Variants in AGAP1 observed in about 807,000 individuals in gnomAD.
The protein encoded by AGAP1 is arf-GAP with GTPase, ANK repeat and PH domain-containing protein 1.
In AGAP1, 29 loss-of-function variants were observed where a neutral mutation model predicts 105.3. That is an observed-to-expected ratio of 0.28 (90% CI 0.21 to 0.38). The LOEUF (loss-of-function observed/expected upper bound fraction) is 0.38, where lower values mean the gene tolerates loss of function less well. AGAP1 is among the 10% of genes least tolerant of loss of function. The pLI, the probability that AGAP1 is intolerant of heterozygous loss-of-function variation, is 1.00. For synonymous variants in AGAP1, 509 were observed against 485.9 expected (o/e 1.05, Z -0.63); for missense variants, 998 against 1,165.1 (o/e 0.86, Z 2.09).
At chr2:235,899,038 A>C (rs1235265428) in intron 10 of AGAP1, among the ~76,000 whole-genome samples, 2 of 152,232 alleles carry the variant, frequency 1.3e-5, no homozygotes, top group Non-Finnish European at 2.9e-5. Flanking sequence ...AAAAATACGT[A>C]TAGAAGACTT....
chr2:236,067,722 C>A (rs1434003488), intron 16 of AGAP1, among the ~76,000 whole-genome samples: 2 of 152,214 alleles, frequency 1.3e-5, no homozygotes, highest in African/African-American at 4.8e-5. Context: ...GGGAAGAAAC[C>A]TCATCTCTTA....
intron 1 of AGAP1, among the ~76,000 whole-genome samples, chr2:235,658,040 T>TG (rs1213654191): frequency 2.6e-5 from 4 of 152,190 alleles, no homozygotes; most frequent in Non-Finnish European, 5.9e-5. Context: ...ACTAGGTGTC[T>TG]GTTGTTTAAA....
intron 1 of AGAP1, among the ~76,000 whole-genome samples, chr2:235,563,336 C>T (rs1944229175): frequency 6.6e-6 from 1 of 152,172 alleles, no homozygotes; most frequent in Non-Finnish European, 1.5e-5. Flanking sequence ...CCTCTGTGCC[C>T]TCCTGTCCTG....
rs1428271666 is a variant in AGAP1, at chr2:235,741,247, C to T, written c.396+199C>T. Among the ~76,000 whole-genome samples, 2 of 152,108 alleles carry T rather than the reference C, an allele frequency of 1.3e-5. No homozygotes were observed. The highest frequency in any genetic ancestry group is 2.9e-5 in the Non-Finnish European group (2 of 68,026). On this transcript the variant is annotated intron_variant, in intron 4 of 17. Transcript: ENST00000304032. This position sits in a 1 kb window ranked among gnomAD's most constrained non-coding sequence, Gnocchi z 4.9. ...TATTTTTTTCCCAGACTAAATCCTG[C>T]AGGGAAGTTGGGTTTATGTGATGGC...
Position 235,721,467 on chromosome 2 carries a change from C to T in AGAP1, c.310+3823C>T, listed in dbSNP as rs1191591127. On this transcript the variant is annotated intron_variant, in intron 3 of 17. Transcript: ENST00000304032. The surrounding 1 kb of genome is among the most constrained non-coding windows in gnomAD (Gnocchi z 4.5). ...AGTAAACCTCTTGGATTGACAGATT[C>T]CTTAATATTATGTGTGTGTGTGTGT... is the stretch of plus-strand genomic sequence containing the variant. Among the ~76,000 whole-genome samples, 4 of 142,170 alleles carry T rather than the reference C, an allele frequency of 2.8e-5. No homozygotes were observed. The highest frequency in any genetic ancestry group is 1.5e-5 in the Non-Finnish European group (1 of 65,574). 93.3% of individuals were successfully genotyped at this position (142,170 alleles called of 152,430 possible). A position where few individuals can be genotyped will look rare whatever the true frequency, so the allele number is the denominator to read the frequency against.
chr2:235,955,083 G>A (rs947916368), intron 12 of AGAP1, among the ~76,000 whole-genome samples: 1 of 152,190 alleles, frequency 6.6e-6, no homozygotes, highest in African/African-American at 2.4e-5. Context: ...TAGAGGTTCA[G>A]GGGTGCTATT....
chr2:235,888,204 C>T lies in AGAP1; in HGVS notation c.1155+4755C>T, dbSNP rs965989974. On this transcript the variant is annotated intron_variant, in intron 10 of 17. Transcript: ENST00000304032. The surrounding 1 kb of genome is among the most constrained non-coding windows in gnomAD (Gnocchi z 4.8). ...GGCCAATGTGGTTATGGGCAGGGGGCGGGGGAGCGGGTAGTTCAGGAGGAT... is the reference window on the plus strand; with the variant it reads ...GGCCAATGTGGTTATGGGCAGGGGGTGGGGGAGCGGGTAGTTCAGGAGGAT... Among the ~76,000 whole-genome samples the T allele has an allele frequency of 1.1e-4, 16 of 151,938 alleles. No individual in the cohort carries two copies. The highest frequency in any genetic ancestry group is 7.8e-4 in the East Asian group (4 of 5,154).
rs758153567 is a variant in AGAP1, at chr2:235,612,204, G to A, written c.164-96975G>A. On this transcript the variant is annotated intron_variant, in intron 1 of 17. Coordinates refer to ENST00000304032, the MANE Select transcript of AGAP1 (RefSeq NM_001037131.3). The surrounding 1 kb of genome is among the most constrained non-coding windows in gnomAD (Gnocchi z 4.3). ...CAGGTAACCTGCTGCTTGGGTGTACGCTGGGCGGGTTCGCAGTGCTGGAAG... is the reference window on the plus strand; with the variant it reads ...CAGGTAACCTGCTGCTTGGGTGTACACTGGGCGGGTTCGCAGTGCTGGAAG... Among the ~76,000 whole-genome samples, 8 of 152,130 alleles carry A rather than the reference G, an allele frequency of 5.3e-5. No individual in the cohort carries two copies. Among genetic ancestry groups the A allele is most frequent in the Admixed American group, 2.6e-4 (4 of 15,286 alleles).
intron 11 of AGAP1, among the ~76,000 whole-genome samples, chr2:235,918,470 A>T (rs1446078876): frequency 6.6e-6 from 1 of 152,226 alleles, no homozygotes; most frequent in Non-Finnish European, 1.5e-5. Flanking sequence ...AGTTCATCTT[A>T]GTTCTTTTTA....
intron 15 of AGAP1, among the ~76,000 whole-genome samples, chr2:236,048,708 C>T (rs1008354460): frequency 3.9e-5 from 6 of 152,174 alleles, no homozygotes; most frequent in African/African-American, 9.7e-5. Flanking sequence ...CAGTGGATGC[C>T]GAGTCACACG....
Position 236,114,285 on chromosome 2 carries a change from G to A in AGAP1, c.2115-5907G>A, listed in dbSNP as rs143252297. 7.0e-4 allele frequency among the ~76,000 whole-genome samples: 106 copies of A among 152,266 alleles called. 1 individual carries two copies. In the East Asian group the frequency reaches 7.7e-3, roughly 11 times the overall value. ...TCCCAGAAGTAGAATTGCGGCCTCC[G>A]AGTGACCATTTGAGTCTGTGTGCTT... On this transcript the variant is annotated intron_variant, in intron 16 of 17. Coordinates refer to ENST00000304032, the MANE Select transcript of AGAP1 (RefSeq NM_001037131.3). This position sits in a 1 kb window ranked among gnomAD's most constrained non-coding sequence, Gnocchi z 5.0.
At chr2:235,791,702 A>G (rs1343432634) in intron 6 of AGAP1, among the ~76,000 whole-genome samples, 3 of 151,936 alleles carry the variant, frequency 2.0e-5, no homozygotes, top group East Asian at 1.9e-4. Context: ...CACACGCCAC[A>G]ATGCCTGGCT....
At chr2:235,630,829 GT>G in intron 1 of AGAP1, among the ~76,000 whole-genome samples, 1 of 152,256 alleles carries the variant, frequency 6.6e-6, no homozygotes, top group Admixed American at 6.5e-5. Flanking sequence ...CGCTGCCTCC[GT>G]TTGTCATTTC....
At chr2:235,706,202 ATTTTG>A (rs971158672) in intron 1 of AGAP1, among the ~76,000 whole-genome samples, 1 of 151,938 alleles carries the variant, frequency 6.6e-6, no homozygotes, top group Non-Finnish European at 1.5e-5. Flanking sequence ...ATGCATATTT[ATTTTG>A]TTTTGTTTTG....
chr2:235,656,670 G>A (rs567143540), intron 1 of AGAP1, among the ~76,000 whole-genome samples: 5 of 152,298 alleles, frequency 3.3e-5, no homozygotes, highest in African/African-American at 7.2e-5. Context: ...CAGGGGCCAC[G>A]TGAGTCAGGG....
In AGAP1 at chr2:235,799,086, T is replaced by A. The variant is rs1239910359; in HGVS notation, c.802-281T>A. Among the ~76,000 whole-genome samples, 4 of 152,138 alleles carry A rather than the reference T, an allele frequency of 2.6e-5. No individual in the cohort carries two copies. Among genetic ancestry groups the A allele is most frequent in the Admixed American group, 2.0e-4 (3 of 15,270 alleles). ...CAGAGGAAAGAGAAAATAATCAAAT[T>A]TGAACTCTCAGAAATCTTTTAAGTT... On this transcript the variant is annotated intron_variant, in intron 7 of 17. Transcript: ENST00000304032. The surrounding 1 kb of genome is among the most constrained non-coding windows in gnomAD (Gnocchi z 5.0).
rs1164161522 is a variant in AGAP1, at chr2:236,101,255, T to G, written c.2115-18937T>G. Among the ~76,000 whole-genome samples, 2 of 152,148 alleles carry G rather than the reference T, an allele frequency of 1.3e-5. No individual in the cohort carries two copies. Among genetic ancestry groups the G allele is most frequent in the African/African-American group, 4.8e-5 (2 of 41,450 alleles). The stretch of plus-strand genomic sequence containing the variant: ...CCCACCACAAGCAGATTAAAAGGTA[T>G]ACCACATTAAGAAGACTCCTTATTG... On this transcript the variant is annotated intron_variant, in intron 16 of 17. Transcript: ENST00000304032. The surrounding 1 kb of genome is among the most constrained non-coding windows in gnomAD (Gnocchi z 4.9).
rs2057531679 is a variant in AGAP1 at position 236,040,928 on chromosome 2, A to T, written c.1891+87A>T. The T allele has an allele frequency of 7.5e-7, 1 of 1,341,056 alleles. No homozygotes were observed. Among genetic ancestry groups the T allele is most frequent in the Non-Finnish European group, 1.1e-6 (1 of 943,294 alleles). The allele number at this position is 1,341,056 out of a possible 1,614,324, so 83.1% of individuals were successfully genotyped here. On this transcript the variant is annotated intron_variant, in intron 15 of 17. Transcript: ENST00000304032. This position sits in a 1 kb window ranked among gnomAD's most constrained non-coding sequence, Gnocchi z 5.6. ...TAGGCCCGGGTTGCAGGGGACTCAC[A>T]TCTGTCCTGTTTGGCAGATAAGAGT...
In AGAP1 at chr2:236,038,943, G is replaced by A. The variant is rs867190466; in HGVS notation, c.1801-1808G>A. On this transcript the variant is annotated intron_variant, in intron 14 of 17. Transcript: ENST00000304032. The surrounding 1 kb of genome is among the most constrained non-coding windows in gnomAD (Gnocchi z 4.5). Reference sequence around the variant, plus strand: ...CCAAAGGGAATTAAAATTCAATAACGCATGATGCTAATTAGACAGTAGTGA... The same window carrying A: ...CCAAAGGGAATTAAAATTCAATAACACATGATGCTAATTAGACAGTAGTGA... 3.3e-5 allele frequency among the ~76,000 whole-genome samples: 5 copies of A among 151,870 alleles called. No homozygotes were observed. The highest frequency in any genetic ancestry group is 2.1e-4 in the South Asian group (1 of 4,800).
Sources: gnomAD v4.1 joint callset for allele counts (sites outside exome capture counted in the v4.1 genomes callset) on GRCh38, gnomAD v4.1.1 for gene constraint, Gnocchi (gnomAD v3.1) non-coding constraint, MANE v1.5 for transcripts, NCBI Gene and HGNC (gene_info 2026-07-23, HGNC 2026-07-21) for gene names.